The following TENM3 variants were observed in gnomAD, a reference collection of about 807,000 sequenced individuals.
TENM3 encodes teneurin-3.
A neutral mutation model predicts 255.1 loss-of-function variants in TENM3; 63 were observed. The ratio of observed to expected loss-of-function variants is 0.25; its 90% confidence interval spans 0.20 to 0.30. The LOEUF (loss-of-function observed/expected upper bound fraction) is 0.30, where lower values mean the gene tolerates loss of function less well. Among genes scored for constraint, TENM3 ranks in the 10% least tolerant of loss-of-function variants. TENM3 has a pLI of 1.00. For missense variants in TENM3, 2,929 were observed against 3,461.1 expected, an observed-to-expected ratio of 0.85 and a Z score of 3.86; for synonymous variants, 1,306 against 1,322.3, an observed-to-expected ratio of 0.99 and a Z score of 0.27.
rs1756747245 is a variant in TENM3, at chr4:182,688,283, A to G, written c.2153A>G (p.Glu718Gly). ...NQRACHPRCA[E>G]HGTCKDGKCE... ...AGAGCCTGCCACCCCCGCTGTGCCG[A>G]GCACGGGACCTGCAAGGATGGCAAG... is the stretch of plus-strand genomic sequence containing the variant. Residue 718 changes from glutamate to glycine, a missense_variant, in exon 12 of 28, where the codon GAG (glutamate) becomes GGG (glycine). Glu to Gly is a moderately conservative substitution (Grantham distance 98, BLOSUM62 -2). This residue lies in a region of TENM3 where 1,608 missense variants were observed against 1,884.4 expected (regional missense o/e 0.85). Coordinates refer to ENST00000511685, the MANE Select transcript of TENM3 (RefSeq NM_001080477.4). 6.2e-7 allele frequency: 1 copy of G among 1,613,796 alleles called. No individual in the cohort carries two copies. Among genetic ancestry groups the G allele is most frequent in the African/African-American group, 1.3e-5 (1 of 74,908 alleles).
At chr4:182,234,560 A>G (rs1756778166) in intron 1 of TENM3, among the ~76,000 whole-genome samples, 1 of 152,054 alleles carries the variant, frequency 6.6e-6, no homozygotes. Context: ...TAGTGAAACA[A>G]CATCTCTACT....
chr4:181,806,500 G>A, the TENM3 span, among the ~76,000 whole-genome samples: 3 of 152,214 alleles, frequency 2.0e-5, no homozygotes, highest in Non-Finnish European at 4.4e-5. Flanking sequence ...GCTTTAAGAG[G>A]TGATTGGGCC....
At chr4:182,082,304 T>C in the TENM3 span, among the ~76,000 whole-genome samples, 1 of 152,276 alleles carries the variant, frequency 6.6e-6, no homozygotes, top group African/African-American at 2.4e-5. Context: ...ATAAGGGTAC[T>C]AATTCCATTC....
chr4:182,442,804 G>GTA (rs1391295501), intron 3 of TENM3, among the ~76,000 whole-genome samples: 3 of 148,222 alleles, frequency 2.0e-5, no homozygotes, highest in Admixed American at 2.0e-4. Flanking sequence ...GTGTGTGTGT[G>GTA]TATATACACA....
intron 3 of TENM3, among the ~76,000 whole-genome samples, chr4:182,459,049 G>A (rs1774120624): frequency 6.6e-6 from 1 of 152,158 alleles, no homozygotes; most frequent in Non-Finnish European, 1.5e-5. Context: ...CCAAGTCACA[G>A]ATAAAAATAG....
At chr4:181,570,786 C>A in the TENM3 span, among the ~76,000 whole-genome samples, 4,015 of 152,170 alleles carry the variant, frequency 0.026, 159 homozygotes, top group African/African-American at 0.089. Context: ...GCACACAAGA[C>A]ACAATTCGAT....
intron 3 of TENM3, among the ~76,000 whole-genome samples, chr4:182,458,824 A>T (rs1293574748): frequency 6.6e-6 from 1 of 152,180 alleles, no homozygotes; most frequent in Non-Finnish European, 1.5e-5. Flanking sequence ...GAGAAATCCT[A>T]GGAAAAAAGG....
At chr4:181,448,094 C>T in the TENM3 span, among the ~76,000 whole-genome samples, 1 of 149,006 alleles carries the variant, frequency 6.7e-6, no homozygotes, top group Non-Finnish European at 1.5e-5. Flanking sequence ...TTTCTTTTAA[C>T]ATCAGTTAAA....
the TENM3 span, among the ~76,000 whole-genome samples, chr4:181,962,316 A>T: frequency 6.6e-6 from 1 of 152,348 alleles, no homozygotes; most frequent in South Asian, 2.1e-4. Context: ...AACAGCAAAT[A>T]GTTGAGTAAA....
the TENM3 span, among the ~76,000 whole-genome samples, chr4:181,631,052 A>G: frequency 6.6e-6 from 1 of 152,168 alleles, no homozygotes; most frequent in African/African-American, 2.4e-5. Context: ...TCAAAGAGTT[A>G]GCCAGCTGTG....
chr4:181,686,870 C>T, the TENM3 span, among the ~76,000 whole-genome samples: 5 of 152,226 alleles, frequency 3.3e-5, no homozygotes, highest in African/African-American at 4.8e-5. Context: ...GCTGAAAATG[C>T]TTTCTCATTG....
rs916234427 is a variant in TENM3 at position 182,336,471 on chromosome 4, G to C, written c.233-10180G>C. 2.6e-5 allele frequency among the ~76,000 whole-genome samples: 4 copies of C among 152,166 alleles called. No homozygotes were observed. In the East Asian group the frequency reaches 7.7e-4, roughly 29 times the overall value. On this transcript the variant is annotated intron_variant, in intron 2 of 27. Transcript: ENST00000511685. ...AGAAAAAAACTGCAAAATATTCACA[G>C]AGGGTGCATTTGAGAGTGGGGCTGT...
At chr4:181,639,970 T>C in the TENM3 span, among the ~76,000 whole-genome samples, 1 of 152,202 alleles carries the variant, frequency 6.6e-6, no homozygotes, top group South Asian at 2.1e-4. Context: ...CTTTGCCATT[T>C]ATTTTGTGAT....
At chr4:182,521,238 A>G (rs1738539748) in intron 3 of TENM3, among the ~76,000 whole-genome samples, 2 of 152,344 alleles carry the variant, frequency 1.3e-5, no homozygotes, top group South Asian at 2.1e-4. Context: ...ACACGTCACC[A>G]TTCTTCTTCA....
chr4:181,503,496 A>T, the TENM3 span, among the ~76,000 whole-genome samples: 1 of 152,346 alleles, frequency 6.6e-6, no homozygotes, highest in East Asian at 1.9e-4. Context: ...GTAACCTCAG[A>T]CAGTGATCTG....
At chr4:181,563,156 A>C in the TENM3 span, among the ~76,000 whole-genome samples, 3 of 152,144 alleles carry the variant, frequency 2.0e-5, no homozygotes, top group African/African-American at 7.2e-5. Context: ...ATTGCCTCAC[A>C]GTTTTGGGGA....
chr4:182,365,679 C>T (rs1156939250), intron 3 of TENM3, among the ~76,000 whole-genome samples: 5 of 152,178 alleles, frequency 3.3e-5, no homozygotes, highest in Non-Finnish European at 7.3e-5. Flanking sequence ...CTCTTTTCAT[C>T]AATCCATAGA....
chr4:181,555,822 A>T, the TENM3 span, among the ~76,000 whole-genome samples: 5 of 152,216 alleles, frequency 3.3e-5, no homozygotes, highest in Non-Finnish European at 7.3e-5. Flanking sequence ...CATACATCAT[A>T]CATCACTTCT....
intron 3 of TENM3, among the ~76,000 whole-genome samples, chr4:182,466,210 GTGGCTTAAAA>G (rs1173053651): frequency 8.5e-5 from 13 of 152,206 alleles, no homozygotes; most frequent in African/African-American, 2.4e-4. Context: ...CTCAGTCTGA[GTGGCTTAAAA>G]CAACAGAATT....
Sources: allele counts gnomAD v4.1 joint callset (sites outside exome capture counted in the v4.1 genomes callset), GRCh38; gene constraint gnomAD v4.1.1; regional missense constraint gnomAD v4.1.1; transcripts MANE v1.5; gene names NCBI Gene and HGNC (gene_info 2026-07-23, HGNC 2026-07-21).